The following NT5M variants were observed in gnomAD, a reference collection of about 807,000 sequenced individuals.
NT5M encodes 5',3'-nucleotidase, mitochondrial.
Under a neutral mutation model 22.2 loss-of-function variants are expected in NT5M, and 22 were observed. That is an observed-to-expected ratio of 0.99 (90% CI 0.71 to 1.41). The LOEUF is 1.41. Among genes scored for constraint, NT5M ranks in the 40% most tolerant of loss-of-function variants. The pLI, the probability that NT5M is intolerant of heterozygous loss-of-function variation, is 0.00. For synonymous variants in NT5M, 167 were observed against 133.0 expected (o/e 1.26, Z -1.76); for missense variants, 322 against 314.8 (o/e 1.02, Z -0.17).
intron 2 of NT5M, among the ~76,000 whole-genome samples, chr17:17,315,847 C>T (rs999170613): frequency 5.3e-5 from 8 of 150,388 alleles, no homozygotes; most frequent in Admixed American, 1.3e-4. Flanking sequence ...CTCCGCCTCC[C>T]GGGTTCATGC....
At chr17:17,340,717 G>A (rs765224110) in intron 3 of NT5M, among the ~76,000 whole-genome samples, 1 of 151,718 alleles carries the variant, frequency 6.6e-6, no homozygotes, top group Non-Finnish European at 1.5e-5. Context: ...AGTAGAGATG[G>A]GGTTTCACCA....
intron 3 of NT5M, among the ~76,000 whole-genome samples, chr17:17,342,218 T>C (rs2049658046): frequency 6.6e-6 from 1 of 152,190 alleles, no homozygotes; most frequent in Non-Finnish European, 1.5e-5. Flanking sequence ...GTTTCTAGAA[T>C]ACATTAACTA....
chr17:17,338,176 T>C (rs2049557445), intron 3 of NT5M, among the ~76,000 whole-genome samples: 1 of 152,158 alleles, frequency 6.6e-6, no homozygotes, highest in Admixed American at 6.6e-5. Flanking sequence ...TATATGGATT[T>C]ATCTGTGGGT....
chr17:17,306,172 A>G (rs1028073463), intron 1 of NT5M, among the ~76,000 whole-genome samples: 11 of 151,958 alleles, frequency 7.2e-5, no homozygotes, highest in African/African-American at 2.2e-4. Flanking sequence ...TAAGGACTCT[A>G]CTACCATGGT....
intron 1 of NT5M, chr17:17,304,309 G>A: frequency 1.5e-6 from 1 of 681,210 alleles, no homozygotes; most frequent in Non-Finnish European, 1.8e-6. Context: ...GGGTCACACA[G>A]TGAGTCAGTG....
chr17:17,322,712 C>T (rs901134388), intron 2 of NT5M, among the ~76,000 whole-genome samples: 1 of 152,214 alleles, frequency 6.6e-6, no homozygotes, highest in Non-Finnish European at 1.5e-5. Flanking sequence ...CCTGGGAGGC[C>T]ATTTGGGTCA....
intron 1 of NT5M, among the ~76,000 whole-genome samples, chr17:17,306,086 C>A (rs1274046363): frequency 6.6e-6 from 1 of 152,096 alleles, no homozygotes; most frequent in African/African-American, 2.4e-5. Context: ...CTGAATTGTC[C>A]TTTTACCCTG....
chr17:17,342,393 C>T (rs918569368), intron 3 of NT5M, among the ~76,000 whole-genome samples: 5 of 152,096 alleles, frequency 3.3e-5, no homozygotes, highest in Admixed American at 1.3e-4. Context: ...AGAGCAGCTC[C>T]GTATTTTGTC....
intron 3 of NT5M, among the ~76,000 whole-genome samples, chr17:17,344,421 G>A (rs961802352): frequency 2.0e-5 from 3 of 152,164 alleles, no homozygotes; most frequent in African/African-American, 7.2e-5. Flanking sequence ...CCACATGCAT[G>A]TGGGGCAGGA....
At chr17:17,335,494 A>G (rs531799752) in intron 3 of NT5M, among the ~76,000 whole-genome samples, 1 of 152,236 alleles carries the variant, frequency 6.6e-6, no homozygotes, top group East Asian at 1.9e-4. Flanking sequence ...GTGTGTATTT[A>G]TGAGGTACAT....
chr17:17,326,060 G>A (rs150422337), intron 3 of NT5M, among the ~76,000 whole-genome samples: 4 of 152,316 alleles, frequency 2.6e-5, no homozygotes, highest in East Asian at 3.9e-4. Flanking sequence ...AGGACTCAGC[G>A]TTTGTTGTTA....
chr17:17,340,528 CT>C (rs566501477), intron 3 of NT5M, among the ~76,000 whole-genome samples: 9 of 146,732 alleles, frequency 6.1e-5, no homozygotes, highest in African/African-American at 7.5e-5. Context: ...CCTTTCTTTT[CT>C]TTTTTTTTTA....
intron 1 of NT5M, among the ~76,000 whole-genome samples, chr17:17,305,833 A>G (rs1478315742): frequency 6.6e-6 from 1 of 151,456 alleles, no homozygotes; most frequent in Non-Finnish European, 1.5e-5. Context: ...TGGGGAGGAG[A>G]GGGTTGGTGT....
At chr17:17,309,181 A>G (rs539094263) in intron 2 of NT5M, among the ~76,000 whole-genome samples, 5 of 148,546 alleles carry the variant, frequency 3.4e-5, no homozygotes, top group African/African-American at 1.3e-4. Flanking sequence ...GCTGGAGTGC[A>G]GTGGCATGAT....
At chr17:17,330,311 CAAAA>C (rs892453780) in intron 3 of NT5M, among the ~76,000 whole-genome samples, 5 of 131,914 alleles carry the variant, frequency 3.8e-5, no homozygotes, top group African/African-American at 1.1e-4. Flanking sequence ...AAAAAAAAAA[CAAAA>C]AAAAAACCCA....
chr17:17,330,379 CTT>C (rs35267848), intron 3 of NT5M, among the ~76,000 whole-genome samples: 17 of 138,584 alleles, frequency 1.2e-4, no homozygotes, highest in Non-Finnish European at 1.2e-4. Context: ...AAAACGTAGA[CTT>C]TTTTTTTTTT....
chr17:17,315,990 T>C (rs975589140), intron 2 of NT5M, among the ~76,000 whole-genome samples: 12 of 151,760 alleles, frequency 7.9e-5, no homozygotes, highest in South Asian at 2.1e-4. Flanking sequence ...CTCCTGACCT[T>C]GTGATCAGCC....
intron 2 of NT5M, among the ~76,000 whole-genome samples, chr17:17,315,351 T>G (rs2049001307): frequency 6.6e-6 from 1 of 152,172 alleles, no homozygotes; most frequent in Non-Finnish European, 1.5e-5. Context: ...GGTCTCCAGT[T>G]TCAGGGCAGG....
chr17:17,303,838 C>T, intron 1 of NT5M, 21 bp downstream of exon 1: 2 of 1,372,092 alleles, frequency 1.5e-6, no homozygotes, highest in Middle Eastern at 2.6e-4. Flanking sequence ...CCGCCCCGCC[C>T]CGCGCCGGGC....
Sources: allele counts gnomAD v4.1 joint callset (sites outside exome capture counted in the v4.1 genomes callset), GRCh38; gene constraint gnomAD v4.1.1; transcripts MANE v1.5; gene names NCBI Gene and HGNC (gene_info 2026-07-23, HGNC 2026-07-21).